The following DPP10 variants were observed in gnomAD, a reference collection of about 807,000 sequenced individuals.
The protein encoded by DPP10 is inactive dipeptidyl peptidase 10.
Under a neutral mutation model 120.9 loss-of-function variants are expected in DPP10, and 33 were observed. That is an observed-to-expected ratio of 0.27 (90% CI 0.21 to 0.37). The LOEUF is 0.37. Among genes scored for constraint, DPP10 ranks in the 10% least tolerant of loss-of-function variants. The probability of loss-of-function intolerance (pLI) is 1.00; values close to 1 mark genes in which losing one functional copy is unlikely to be tolerated. For synonymous variants in DPP10, 337 were observed against 326.1 expected (o/e 1.03, Z -0.36); for missense variants, 816 against 942.8 (o/e 0.87, Z 1.76).
At chr2:114,690,294 T>C (rs1699651215) in intron 1 of DPP10, among the ~76,000 whole-genome samples, 1 of 152,114 alleles carries the variant, frequency 6.6e-6, no homozygotes, top group Non-Finnish European at 1.5e-5. Context: ...TTCAGTTTTC[T>C]GCATATCGCT....
chr2:114,874,778 T>C (rs1439037774), intron 1 of DPP10, among the ~76,000 whole-genome samples: 1 of 152,084 alleles, frequency 6.6e-6, no homozygotes, highest in African/African-American at 2.4e-5. Flanking sequence ...ATAGATTATA[T>C]TACTGCCTGG....
intron 1 of DPP10, among the ~76,000 whole-genome samples, chr2:115,113,696 A>G (rs2049351296): frequency 6.6e-6 from 1 of 152,170 alleles, no homozygotes; most frequent in Non-Finnish European, 1.5e-5. Context: ...GAAAAGTCCA[A>G]GAATAATAAA....
At chr2:115,575,684 A>G (rs1452232210) in intron 5 of DPP10, among the ~76,000 whole-genome samples, 1 of 151,956 alleles carries the variant, frequency 6.6e-6, no homozygotes, top group Non-Finnish European at 1.5e-5. Flanking sequence ...AATGTCCACA[A>G]CCCCCAGAAC....
chr2:115,645,618 T>A (rs2087177483), intron 5 of DPP10, among the ~76,000 whole-genome samples: 1 of 152,176 alleles, frequency 6.6e-6, no homozygotes, highest in Admixed American at 6.5e-5. Flanking sequence ...TCATGTTATA[T>A]CCCCTTCTTC....
intron 1 of DPP10, among the ~76,000 whole-genome samples, chr2:114,615,830 A>G (rs1335393453): frequency 6.6e-6 from 1 of 152,138 alleles, no homozygotes; most frequent in Non-Finnish European, 1.5e-5. Flanking sequence ...TCCATTCCAC[A>G]TTTATTGGGC....
chr2:115,665,889 C>A (rs1204648969), intron 5 of DPP10, among the ~76,000 whole-genome samples: 45 of 150,460 alleles, frequency 3.0e-4, no homozygotes, highest in Non-Finnish European at 7.4e-5. Flanking sequence ...TTTTTAATTT[C>A]TTTTTTATAA....
chr2:115,592,571 A>C (rs1350674333), intron 5 of DPP10, among the ~76,000 whole-genome samples: 1 of 29,312 alleles, frequency 3.4e-5, no homozygotes, highest in African/African-American at 1.8e-4. Flanking sequence ...CGTCTCTGCT[A>C]AAAAAAAACA....
intron 5 of DPP10, among the ~76,000 whole-genome samples, chr2:115,586,358 G>A (rs1320566858): frequency 6.6e-6 from 1 of 152,030 alleles, no homozygotes; most frequent in Non-Finnish European, 1.5e-5. Context: ...AAAAAACTGA[G>A]AAAATATGAC....
chr2:115,306,672 A>G (rs999055588), intron 1 of DPP10, among the ~76,000 whole-genome samples: 2 of 152,132 alleles, frequency 1.3e-5, no homozygotes, highest in Non-Finnish European at 2.9e-5. Flanking sequence ...AGGGACTTGT[A>G]TATGCCTTGA....
At chr2:114,617,265 A>G (rs1015718707) in intron 1 of DPP10, among the ~76,000 whole-genome samples, 1 of 152,128 alleles carries the variant, frequency 6.6e-6, no homozygotes, top group African/African-American at 2.4e-5. Flanking sequence ...TCACTCAGAA[A>G]TTATTATATG....
At chr2:115,839,493 G>A (rs1003186489) in intron 24 of DPP10, among the ~76,000 whole-genome samples, 3 of 151,592 alleles carry the variant, frequency 2.0e-5, no homozygotes, top group African/African-American at 7.3e-5. Context: ...GACCAACATG[G>A]TGAAACCCCG....
At chr2:114,490,181 C>T (rs1231412346) in intron 1 of DPP10, among the ~76,000 whole-genome samples, 3 of 152,174 alleles carry the variant, frequency 2.0e-5, no homozygotes, top group Non-Finnish European at 4.4e-5. Flanking sequence ...ACTAACAGTT[C>T]CATTAGAGAA....
intron 1 of DPP10, among the ~76,000 whole-genome samples, chr2:115,107,610 A>G (rs529217653): frequency 9.2e-5 from 14 of 152,104 alleles, no homozygotes; most frequent in Non-Finnish European, 1.9e-4. Context: ...ATAGATAGAT[A>G]GGTATAGGTA....
At chr2:115,435,326 G>A (rs1170847333) in intron 3 of DPP10, among the ~76,000 whole-genome samples, 1 of 151,624 alleles carries the variant, frequency 6.6e-6, no homozygotes, top group African/African-American at 2.4e-5. Flanking sequence ...CAGTGTGCGA[G>A]AGTTACCCTT....
intron 1 of DPP10, among the ~76,000 whole-genome samples, chr2:115,079,756 A>C (rs1708112679): frequency 2.0e-5 from 3 of 152,224 alleles, no homozygotes; most frequent in Admixed American, 2.0e-4. Flanking sequence ...CTAAATCGCA[A>C]AGGCCTCACA....
chr2:115,813,694 C>T (rs903169977), intron 19 of DPP10, among the ~76,000 whole-genome samples: 3 of 152,178 alleles, frequency 2.0e-5, no homozygotes, highest in Non-Finnish European at 4.4e-5. Flanking sequence ...ACCCCTGTAT[C>T]TGCTCAGTTT....
chr2:115,561,642 A>G (rs191105611), intron 5 of DPP10, among the ~76,000 whole-genome samples: 416 of 152,302 alleles, frequency 2.7e-3, no homozygotes, highest in African/African-American at 9.6e-3. Flanking sequence ...TCATTAAAGT[A>G]TTTCAAGTAA....
intron 1 of DPP10, among the ~76,000 whole-genome samples, chr2:114,609,653 G>A (rs923606043): frequency 6.6e-6 from 1 of 152,154 alleles, no homozygotes; most frequent in Admixed American, 6.6e-5. Context: ...TCTGAGATGT[G>A]ATAGGGAGGA....
chr2:114,594,561 GTATACATA>G (rs1302547873), intron 1 of DPP10, among the ~76,000 whole-genome samples: 1 of 130,862 alleles, frequency 7.6e-6, no homozygotes, highest in Non-Finnish European at 1.7e-5. Context: ...CATATATTAT[GTATACATA>G]TATACATATA....
Sources: gnomAD v4.1 joint callset for allele counts (sites outside exome capture counted in the v4.1 genomes callset) on GRCh38, gnomAD v4.1.1 for gene constraint, MANE v1.5 for transcripts, NCBI Gene and HGNC (gene_info 2026-07-23, HGNC 2026-07-21) for gene names.